The following DMD variants were observed in gnomAD, a reference collection of about 807,000 sequenced individuals.
The protein encoded by DMD is dystrophin.
A neutral mutation model predicts 330.1 loss-of-function variants in DMD; 63 were observed. That is an observed-to-expected ratio of 0.19 (90% CI 0.16 to 0.24). The LOEUF (loss-of-function observed/expected upper bound fraction) is 0.24, where lower values mean the gene tolerates loss of function less well. DMD is among the 10% of genes least tolerant of loss of function. DMD has a pLI of 1.00. For missense variants in DMD, 3,344 were observed against 2,684.1 expected (o/e 1.25, Z -5.43); for synonymous variants, 1,223 against 959.8 (o/e 1.27, Z -5.07).
At chrX:31,982,344 T>C (rs1427010806) in intron 44 of DMD, among the ~76,000 whole-genome samples, 1 of 111,640 alleles carries the variant, frequency 9.0e-6, no homozygotes, top group African/African-American at 3.3e-5. Context: ...AATGATCTTA[T>C]ACGTGCACCA....
At chrX:31,472,491 C>T (rs1376747138) in intron 59 of DMD, among the ~76,000 whole-genome samples, 1 of 111,894 alleles carries the variant, frequency 8.9e-6, no homozygotes, top group Non-Finnish European at 1.9e-5. Flanking sequence ...TCTTGCTTGC[C>T]AAAGTGAAGA....
intron 1 of DMD, among the ~76,000 whole-genome samples, chrX:33,256,678 A>T (rs1333386167): frequency 1.8e-5 from 2 of 110,518 alleles, no homozygotes; most frequent in Middle Eastern, 4.7e-3. Context: ...CATTTATTAA[A>T]TTCTCATTTT....
At chrX:32,585,808 T>C (rs905771188) in intron 13 of DMD, among the ~76,000 whole-genome samples, 1 of 109,252 alleles carries the variant, frequency 9.2e-6, no homozygotes, top group Non-Finnish European at 1.9e-5. Flanking sequence ...ACTGTTATCT[T>C]TGAGTTTCAT....
intron 1 of DMD, among the ~76,000 whole-genome samples, chrX:33,236,260 T>TC (rs992801350): frequency 9.7e-6 from 1 of 103,320 alleles, no homozygotes; most frequent in African/African-American, 3.5e-5. Flanking sequence ...GGCTTCTCCT[T>TC]CCTTTTTTTT....
At chrX:32,119,217 C>G (rs978997291) in intron 44 of DMD, among the ~76,000 whole-genome samples, 12 of 109,551 alleles carry the variant, frequency 1.1e-4, no homozygotes, top group African/African-American at 4.0e-4. Context: ...ACCTGTAATC[C>G]CAGCTACTTG....
At chrX:31,980,320 T>C (rs1446379729) in intron 44 of DMD, among the ~76,000 whole-genome samples, 6 of 111,775 alleles carry the variant, frequency 5.4e-5, no homozygotes, top group Admixed American at 9.5e-5. Flanking sequence ...AATAGATAAA[T>C]AAATTGTGGT....
chrX:32,804,166 C>G lies in DMD; in HGVS notation c.649+5327G>C, dbSNP rs192052190. 1.2e-3 allele frequency among the ~76,000 whole-genome samples: 138 copies of G among 111,423 alleles called. 1 individual carries two copies. Among genetic ancestry groups the G allele is most frequent in the African/African-American group, 4.1e-3 (127 of 30,687 alleles). ...TGGAAAGGGGGCTGAAACCAGGGAG[C>G]CAAGTGGTCAAGTTCAGCAGATCCA... On this transcript the variant is annotated intron_variant, in intron 7 of 78. Coordinates refer to ENST00000357033, the MANE Select transcript of DMD (RefSeq NM_004006.3).
intron 2 of DMD, among the ~76,000 whole-genome samples, chrX:32,866,734 TGGGGGGGTG>T (rs1569536576): frequency 2.5e-3 from 15 of 6,112 alleles, no homozygotes; most frequent in South Asian, 0.012. Flanking sequence ...TGGGGGGGGG[TGGGGGGGTG>T]GGGGGGGGGG....
At chrX:31,410,366 T>C (rs1190297478) in intron 60 of DMD, among the ~76,000 whole-genome samples, 1 of 111,802 alleles carries the variant, frequency 8.9e-6, no homozygotes, top group African/African-American at 3.3e-5. Flanking sequence ...TAGTGAGAAA[T>C]AGTTGCACAG....
intron 18 of DMD, among the ~76,000 whole-genome samples, chrX:32,515,114 T>C (rs777359730): frequency 9.0e-6 from 1 of 111,652 alleles, no homozygotes; most frequent in South Asian, 3.7e-4. Context: ...GGATGAGTCA[T>C]AGTGCTGTTT....
chrX:33,272,203 CT>C (rs904820466), intron 1 of DMD, among the ~76,000 whole-genome samples: 3 of 112,283 alleles, frequency 2.7e-5, no homozygotes, highest in African/African-American at 9.7e-5. Context: ...CCTTTAAGAT[CT>C]TTTCCCCCAT....
chrX:32,384,165 T>A, intron 33 of DMD, among the ~76,000 whole-genome samples: 1 of 110,254 alleles, frequency 9.1e-6, no homozygotes. Flanking sequence ...GCTGTAGCAT[T>A]AGGATTAATA....
intron 59 of DMD, among the ~76,000 whole-genome samples, chrX:31,453,752 G>A (rs746234950): frequency 2.7e-4 from 1 of 3,701 alleles, no homozygotes. Context: ...CCCCTTTATA[G>A]ACAAAAAACA....
intron 43 of DMD, among the ~76,000 whole-genome samples, chrX:32,260,264 T>C (rs2097316466): frequency 9.0e-6 from 1 of 111,410 alleles, no homozygotes; most frequent in African/African-American, 3.3e-5. Context: ...AGCCACAAGA[T>C]GAAAGCAATT....
intron 11 of DMD, among the ~76,000 whole-genome samples, chrX:32,632,528 G>T (rs1259701795): frequency 8.9e-6 from 1 of 112,583 alleles, no homozygotes; most frequent in Non-Finnish European, 1.9e-5. Flanking sequence ...CTCTGTGAGG[G>T]TTCTGCCCCT....
At chrX:32,199,779 T>TG (rs1193413960) in intron 44 of DMD, among the ~76,000 whole-genome samples, 16 of 89,114 alleles carry the variant, frequency 1.8e-4, no homozygotes, top group Admixed American at 7.8e-4. Context: ...ACGCAAGGCT[T>TG]TTGTGTGTGT....
In DMD at chrX:32,215,977, G is replaced by A. The variant is rs755989136; in HGVS notation, c.6438+939C>T. Among the ~76,000 whole-genome samples the A allele has an allele frequency of 3.6e-5, 4 of 112,016 alleles. No homozygotes were observed. The East Asian group carries it at 1.1e-3, about 31-fold the overall frequency. On this transcript the variant is annotated intron_variant, in intron 44 of 78. Coordinates refer to ENST00000357033, the MANE Select transcript of DMD (RefSeq NM_004006.3). ...AATATTAAAGGGCATATTTACTATG[G>A]AAACATATTTGAGAATGAAGACTTG...
At chrX:32,041,249 T>A (rs1447846334) in intron 44 of DMD, among the ~76,000 whole-genome samples, 1 of 112,149 alleles carries the variant, frequency 8.9e-6, no homozygotes, top group East Asian at 2.8e-4. Context: ...TATGTTCTAT[T>A]GAACATCTTT....
At chrX:33,157,782 C>A (rs761405083) in intron 1 of DMD, among the ~76,000 whole-genome samples, 1 of 111,686 alleles carries the variant, frequency 9.0e-6, no homozygotes, top group East Asian at 2.9e-4. Flanking sequence ...CATGGCAAAA[C>A]CCCATCTCTA....
Sources: gnomAD v4.1 joint callset for allele counts (sites outside exome capture counted in the v4.1 genomes callset) on GRCh38, gnomAD v4.1.1 for gene constraint, MANE v1.5 for transcripts, NCBI Gene and HGNC (gene_info 2026-07-23, HGNC 2026-07-21) for gene names.